Variants in LAMA2 observed in about 807,000 individuals in gnomAD.
The protein encoded by LAMA2 is laminin subunit alpha 2, also known as laminin subunit alpha-2.
Under a neutral mutation model 364.8 loss-of-function variants are expected in LAMA2, and 269 were observed. That is an observed-to-expected ratio of 0.74 (90% confidence interval 0.67 to 0.82). LAMA2 has a LOEUF of 0.82. Ranked by LOEUF, LAMA2 falls within the 40% of genes least tolerant of loss-of-function variation. The pLI is 0.00. For synonymous variants in LAMA2, 1,379 were observed against 1,370.6 expected (o/e 1.01, Z -0.14); for missense variants, 3,807 against 3,873.2 (o/e 0.98, Z 0.45).
chr6:128,955,279 A>T (rs917596154), intron 1 of LAMA2, among the ~76,000 whole-genome samples: 3 of 152,102 alleles, frequency 2.0e-5, no homozygotes, highest in South Asian at 2.1e-4. Context: ...TAATTTTCTG[A>T]ATTACACTTG....
chr6:129,479,621 T>G (rs530824975), intron 54 of LAMA2: 1 of 152,372 alleles, frequency 6.6e-6, no homozygotes, highest in African/African-American at 2.4e-5. Flanking sequence ...TATGTCATTC[T>G]CATACATTTT....
chr6:128,924,913 T>C (rs1213230253), intron 1 of LAMA2, among the ~76,000 whole-genome samples: 2 of 152,220 alleles, frequency 1.3e-5, no homozygotes, highest in African/African-American at 4.8e-5. Flanking sequence ...TGAGATATTT[T>C]AAGTGTTTAA....
chr6:128,993,913 A>G (rs530647657), intron 1 of LAMA2, among the ~76,000 whole-genome samples: 28 of 152,240 alleles, frequency 1.8e-4, no homozygotes, highest in South Asian at 1.0e-3. Context: ...TGAACAATAC[A>G]TTATAATGTT....
rs557804524 is a variant in LAMA2, at chr6:129,389,382, G to T, written c.5072-2109G>T. 3.3e-5 allele frequency among the ~76,000 whole-genome samples: 5 copies of T among 152,290 alleles called. No homozygotes were observed. The South Asian group carries it at 1.0e-3, about 32-fold the overall frequency. Reference sequence around the variant, plus strand: ...CTGAGAGGTCCAAGATCAAGGTGCTGGCTGGTTTGGTGCCTGGTAAGGAGC... The same window carrying T: ...CTGAGAGGTCCAAGATCAAGGTGCTTGCTGGTTTGGTGCCTGGTAAGGAGC... On this transcript the variant is annotated intron_variant, in intron 35 of 64. Transcript: ENST00000421865.
intron 1 of LAMA2, among the ~76,000 whole-genome samples, chr6:128,934,155 G>T (rs1355593943): frequency 6.6e-6 from 1 of 152,052 alleles, no homozygotes; most frequent in Admixed American, 6.6e-5. Flanking sequence ...TTTTGCATGT[G>T]GATATCTAGT....
chr6:129,363,724 G>C (rs1041731855), intron 32 of LAMA2, among the ~76,000 whole-genome samples: 5 of 152,104 alleles, frequency 3.3e-5, no homozygotes, highest in Non-Finnish European at 7.4e-5. Context: ...GAAATACTAG[G>C]GGGTGTGGAC....
intron 7 of LAMA2, among the ~76,000 whole-genome samples, chr6:129,150,922 A>T (rs1047871471): frequency 1.3e-5 from 2 of 152,200 alleles, no homozygotes; most frequent in African/African-American, 4.8e-5. Context: ...ATTCTAATTC[A>T]TTTGAGTTTA....
chr6:129,060,568 G>A (rs1012855730), intron 3 of LAMA2, among the ~76,000 whole-genome samples: 2 of 152,176 alleles, frequency 1.3e-5, no homozygotes, highest in African/African-American at 4.8e-5. Context: ...ATGGAAAGTG[G>A]ACAAATGCCA....
intron 3 of LAMA2, among the ~76,000 whole-genome samples, chr6:129,060,522 C>T (rs1474965080): frequency 1.3e-5 from 2 of 152,324 alleles, no homozygotes; most frequent in African/African-American, 2.4e-5. Flanking sequence ...AATCAGGAAT[C>T]GCCAGCACCT....
At chr6:129,379,981 A>C (rs959783157) in intron 34 of LAMA2, among the ~76,000 whole-genome samples, 1 of 152,328 alleles carries the variant, frequency 6.6e-6, no homozygotes. Context: ...GCCAGACACT[A>C]TGCTTGGCAC....
At chr6:128,958,112 G>A (rs1295677305) in intron 1 of LAMA2, among the ~76,000 whole-genome samples, 1 of 151,722 alleles carries the variant, frequency 6.6e-6, no homozygotes, top group Non-Finnish European at 1.5e-5. Flanking sequence ...TTAAAATCTG[G>A]AAAATTCATA....
intron 53 of LAMA2, among the ~76,000 whole-genome samples, chr6:129,477,447 C>T (rs944442719): frequency 1.3e-5 from 2 of 152,194 alleles, no homozygotes; most frequent in South Asian, 2.1e-4. Context: ...ATTTATTAAA[C>T]CTTTGCAATT....
chr6:129,321,144 CT>C (rs956348956), intron 28 of LAMA2, among the ~76,000 whole-genome samples: 63 of 149,684 alleles, frequency 4.2e-4, no homozygotes, highest in African/African-American at 1.2e-3. Flanking sequence ...ATAAAACTAT[CT>C]TTTTTTTTTA....
chr6:129,365,184 A>C (rs936708613), intron 32 of LAMA2, among the ~76,000 whole-genome samples: 9 of 152,290 alleles, frequency 5.9e-5, no homozygotes, highest in East Asian at 3.9e-4. Flanking sequence ...AGCCTTTAGC[A>C]ATTATTTATC....
intron 12 of LAMA2, among the ~76,000 whole-genome samples, chr6:129,239,515 A>G (rs565119691): frequency 6.6e-5 from 10 of 152,288 alleles, no homozygotes; most frequent in African/African-American, 2.4e-4. Flanking sequence ...ATAAACTGGC[A>G]TGGTGCAATT....
intron 1 of LAMA2, among the ~76,000 whole-genome samples, chr6:128,945,914 A>C (rs2114554833): frequency 6.6e-6 from 1 of 152,370 alleles, no homozygotes; most frequent in Middle Eastern, 3.4e-3. Flanking sequence ...CTCAAAAGGA[A>C]GATTATTCTG....
At chr6:129,278,066 G>A (rs1788450048) in intron 17 of LAMA2, among the ~76,000 whole-genome samples, 1 of 152,032 alleles carries the variant, frequency 6.6e-6, no homozygotes, top group Admixed American at 6.6e-5. Context: ...GCCAGGCCTG[G>A]TAGCACCTGC....
At chr6:129,210,086 T>C (rs1269601381) in intron 12 of LAMA2, among the ~76,000 whole-genome samples, 2 of 151,822 alleles carry the variant, frequency 1.3e-5, no homozygotes, top group African/African-American at 4.8e-5. Context: ...AAATCTACGT[T>C]TTTAATCAGC....
At chr6:129,106,377 T>C (rs764618096) in intron 4 of LAMA2, among the ~76,000 whole-genome samples, 3 of 152,170 alleles carry the variant, frequency 2.0e-5, no homozygotes, top group Non-Finnish European at 4.4e-5. Context: ...GTTAAGGTTA[T>C]AACATGATTT....
Sources: allele counts gnomAD v4.1 joint callset (sites outside exome capture counted in the v4.1 genomes callset), GRCh38; gene constraint gnomAD v4.1.1; transcripts MANE v1.5; gene names NCBI Gene and HGNC (gene_info 2026-07-23, HGNC 2026-07-21).